The following FANCD2 variants were observed in gnomAD, a reference collection of about 807,000 sequenced individuals.
FANCD2 encodes Fanconi anemia group D2 protein.
A neutral mutation model predicts 192.3 loss-of-function variants in FANCD2; 131 were observed. The observed-to-expected ratio is 0.68, with a 90% CI of 0.59 to 0.79. The LOEUF (loss-of-function observed/expected upper bound fraction) is 0.79. FANCD2 is among the 30% of genes least tolerant of loss of function. The pLI is 0.00. For missense variants in FANCD2, 1,508 were observed against 1,701.6 expected, an observed-to-expected ratio of 0.89 and a Z score of 2.00; for synonymous variants, 524 against 612.5, an observed-to-expected ratio of 0.86 and a Z score of 2.13.
Position 10,035,229 on chromosome 3 carries a change from T to G in FANCD2, c.434T>G (p.Leu145Arg). ...LIKLLLGIDILQPAIIKTLFE... is the reference protein window; with the variant it reads ...LIKLLLGIDIRQPAIIKTLFE... ...AAACTGCTTCTGGGGATTGACATAC[T>G]GCAGGTAAGACTGTCACTTTTTCTG... Residue 145 changes from leucine (L) to arginine (R), a missense_variant, in exon 6 of 44, where the codon CTG becomes CGG. Physicochemically the swap from Leu to Arg is moderately radical, Grantham distance 102. This residue lies in a region of FANCD2 where 435 missense variants were observed against 421.9 expected (regional missense o/e 1.03). Transcript: ENST00000675286. The G allele has an allele frequency of 6.2e-7, 1 of 1,613,106 alleles. No homozygotes were observed. The highest frequency in any genetic ancestry group is 8.5e-7 in the Non-Finnish European group (1 of 1,179,092).
intron 26 of FANCD2, among the ~76,000 whole-genome samples, chr3:10,068,292 G>T (rs1168823760): frequency 6.6e-6 from 1 of 151,986 alleles, no homozygotes; most frequent in East Asian, 1.9e-4. Context: ...AAAGTTGCAA[G>T]ATACAAAATC....
chr3:10,074,937 A>AC (rs1559395738), intron 29 of FANCD2, among the ~76,000 whole-genome samples: 6 of 146,488 alleles, frequency 4.1e-5, no homozygotes, highest in South Asian at 2.1e-4. Context: ...ACTACTACTA[A>AC]TAAGCTACCT....
chr3:10,054,436 C>CGTAT (rs767356553), intron 18 of FANCD2, among the ~76,000 whole-genome samples: 2 of 56,582 alleles, frequency 3.5e-5, no homozygotes, highest in African/African-American at 2.1e-4. Flanking sequence ...CATGTATATA[C>CGTAT]ATGTATATAC....
chr3:10,064,305 G>A (rs2125033572), intron 21 of FANCD2, 51 bp from the exon 22 acceptor site: 2 of 1,208,524 alleles, frequency 1.7e-6, no homozygotes, highest in Non-Finnish European at 2.5e-6. Context: ...ATCTAGGGCT[G>A]TACAGCAAGT....
chr3:10,062,292 G>A, intron 20 of FANCD2, 81 bp downstream of exon 20: 1 of 1,152,092 alleles, frequency 8.7e-7, no homozygotes, highest in Non-Finnish European at 1.3e-6. Flanking sequence ...CCAACCTGCA[G>A]TGCAGTGGCA....
At chr3:10,090,440 CTGA>C in intron 37 of FANCD2, 55 bp downstream of exon 37, 15 of 552,926 alleles carry the variant, frequency 2.7e-5, no homozygotes, top group Middle Eastern at 4.9e-4. Context: ...TTGGAAGTTG[CTGA>C]TTTTTTTTTT....
chr3:10,046,764 A>G (rs1218348079), intron 15 of FANCD2, 41 bp downstream of exon 15: 14 of 1,410,936 alleles, frequency 9.9e-6, no homozygotes, highest in Non-Finnish European at 1.4e-5. Context: ...TAAAACAGAA[A>G]GCTTTACAGC....
At position 10,065,418 on chromosome 3, in the gene FANCD2, T is replaced by G; in HGVS notation, c.2193T>G (p.Ala731=). ...GATTGGTGTCTCCGCTGTGCCTGGC[T>G]CCGTATTTCCGGTTACTGAGACTTT... ...GQKLVSPLCL[A]PYFRLLRLCV... is the part of the protein sequence containing the mutation. The change falls in exon 24 of 44, where the codon GCT becomes GCG. Residue 731 remains alanine (A), a synonymous_variant. Coordinates refer to ENST00000675286, the MANE Select transcript of FANCD2 (RefSeq NM_001018115.3). 6.2e-7 allele frequency: 1 copy of G among 1,613,850 alleles called. No individual in the cohort carries two copies. Among genetic ancestry groups the G allele is most frequent in the Non-Finnish European group, 8.5e-7 (1 of 1,179,726 alleles).
chr3:10,075,728 CTTTTTTTTTTTT>C (rs71052292), intron 29 of FANCD2, among the ~76,000 whole-genome samples: 1 of 106,618 alleles, frequency 9.4e-6, no homozygotes, highest in South Asian at 3.0e-4. Context: ...AAATAGTATC[CTTTTTTTTTTTT>C]TTTTTTTTGA....
chr3:10,078,086 A>G lies in FANCD2; in HGVS notation c.2865A>G (p.Thr955=). Residue 955 remains threonine (T), a synonymous_variant, in exon 30 of 44, where the codon ACA becomes ACG. Transcript: ENST00000675286. ...ILDTEMHTEA[T]EVVQLGPPEL... is the part of the protein sequence containing the mutation. ...TCCTTTCCTCCATGTGACAGGCTAC[A>G]GAAGTTGTGCAACTTGGGCCCCCTG... 1 of 1,607,390 alleles carries G rather than the reference A, an allele frequency of 6.2e-7. No individual in the cohort carries two copies. Among genetic ancestry groups the G allele is most frequent in the Non-Finnish European group, 8.5e-7 (1 of 1,174,044 alleles).
At chr3:10,046,425 T>A in intron 14 of FANCD2, 155 bp from the exon 15 acceptor site, 1 of 1,274,810 alleles carries the variant, frequency 7.8e-7, no homozygotes, top group Non-Finnish European at 1.1e-6. Context: ...TATTTCTGAG[T>A]TTTGTGAAAA....
intron 42 of FANCD2, among the ~76,000 whole-genome samples, chr3:10,097,934 G>C (rs1414728465): frequency 1.3e-5 from 2 of 152,096 alleles, no homozygotes; most frequent in Non-Finnish European, 2.9e-5. Context: ...CCTCCGTTTG[G>C]GGTCCCTGAC....
At chr3:10,076,896 T>A (rs1693571412) in intron 29 of FANCD2, among the ~76,000 whole-genome samples, 1 of 152,060 alleles carries the variant, frequency 6.6e-6, no homozygotes, top group Non-Finnish European at 1.5e-5. Flanking sequence ...GGATTACAGG[T>A]GCCCACCACC....
intron 32 of FANCD2, among the ~76,000 whole-genome samples, chr3:10,084,949 G>A (rs1451656293): frequency 6.6e-6 from 1 of 151,428 alleles, no homozygotes; most frequent in East Asian, 1.9e-4. Context: ...ACACTCAAAA[G>A]GTGTCACTAT....
At chr3:10,100,116 A>T (rs1406833879) in intron 43 of FANCD2, among the ~76,000 whole-genome samples, 1 of 151,984 alleles carries the variant, frequency 6.6e-6, no homozygotes, top group Non-Finnish European at 1.5e-5. Flanking sequence ...CAAGCCCAGG[A>T]GGTGGAGGCT....
chr3:10,056,788 C>A (rs2087425058), intron 18 of FANCD2, among the ~76,000 whole-genome samples: 1 of 152,160 alleles, frequency 6.6e-6, no homozygotes, highest in African/African-American at 2.4e-5. Flanking sequence ...TGTTAAGCAT[C>A]TTTTCATGTA....
chr3:10,087,001 C>T (rs1049335809), intron 33 of FANCD2, 133 bp from the exon 34 acceptor site: 2 of 968,514 alleles, frequency 2.1e-6, no homozygotes, highest in African/African-American at 3.2e-5. Context: ...GCTACTAAAG[C>T]ACCTGAAAAT....
chr3:10,059,056 C>A (rs2087490577), intron 18 of FANCD2, among the ~76,000 whole-genome samples: 1 of 152,062 alleles, frequency 6.6e-6, no homozygotes, highest in Non-Finnish European at 1.5e-5. Flanking sequence ...CTCTGTCACC[C>A]AGGCTAGAGT....
intron 43 of FANCD2, chr3:10,099,221 C>T (rs1187893687): frequency 1.0e-5 from 14 of 1,351,410 alleles, no homozygotes; most frequent in Admixed American, 3.2e-5. Flanking sequence ...TGGTGAAAGC[C>T]AAAGCACAGA....
Sources: allele counts gnomAD v4.1 joint callset (sites outside exome capture counted in the v4.1 genomes callset), GRCh38; gene constraint gnomAD v4.1.1; regional missense constraint gnomAD v4.1.1; transcripts MANE v1.5; gene names NCBI Gene and HGNC (gene_info 2026-07-23, HGNC 2026-07-21).